CPEB4: variants seen among roughly 807,000 people sequenced by gnomAD.
CPEB4 encodes cytoplasmic polyadenylation element-binding protein 4.
CPEB4 carries 12 observed loss-of-function variants against 72.5 expected under a neutral mutation model. The ratio of observed to expected loss-of-function variants is 0.17; its 90% CI spans 0.11 to 0.27. The LOEUF is 0.27. CPEB4 is among the 10% of genes least tolerant of loss of function. CPEB4 has a pLI of 1.00. For synonymous variants in CPEB4, 302 were observed against 326.3 expected, an observed-to-expected ratio of 0.93 and a Z score of 0.80; for missense variants, 614 against 908.5, an observed-to-expected ratio of 0.68 and a Z score of 4.17.
At position 173,957,922 on chromosome 5, in the gene CPEB4, G is replaced by A. The variant is rs909513564; in HGVS notation, c.*1785G>A. ...GCTGTCTAATATTCAAACATAGAAA[G>A]GGAGCTGCTTTTAAAGAATTCCCTG... On this transcript the variant is annotated 3_prime_UTR_variant, in exon 10 of 10. Transcript: ENST00000265085. The A allele has an allele frequency of 6.5e-6, 1 of 152,774 alleles. No individual in the cohort carries two copies. The highest frequency in any genetic ancestry group is 6.5e-5 in the Admixed American group (1 of 15,274). The allele number at this position is 152,774 out of a possible 1,614,324, so 9.5% of individuals were successfully genotyped here.
At chr5:173,927,681 G>T (rs1223110309) in intron 2 of CPEB4, among the ~76,000 whole-genome samples, 3 of 152,128 alleles carry the variant, frequency 2.0e-5, no homozygotes. Context: ...GGAGGCTGAG[G>T]CAGAAGAATC....
chr5:173,940,326 C>T (rs1757793851), intron 3 of CPEB4, among the ~76,000 whole-genome samples: 1 of 152,116 alleles, frequency 6.6e-6, no homozygotes, highest in African/African-American at 2.4e-5. Flanking sequence ...TTTCTTTGAA[C>T]ATAATTAAAG....
intron 1 of CPEB4, 21 bp from the exon 2 acceptor site, chr5:173,910,502 T>G: frequency 6.3e-7 from 1 of 1,575,960 alleles, no homozygotes; most frequent in Non-Finnish European, 8.7e-7. Context: ...AAAAGTGGTT[T>G]GTGGCTGTTT....
At chr5:173,933,043 A>G (rs1438543297) in intron 3 of CPEB4, among the ~76,000 whole-genome samples, 1 of 152,192 alleles carries the variant, frequency 6.6e-6, no homozygotes, top group Non-Finnish European at 1.5e-5. Context: ...TTATGCGCAT[A>G]GTGAAGCAAG....
intron 9 of CPEB4, among the ~76,000 whole-genome samples, chr5:173,954,013 T>G (rs1280298129): frequency 6.6e-6 from 1 of 152,198 alleles, no homozygotes; most frequent in Non-Finnish European, 1.5e-5. Flanking sequence ...GCTGGCGATT[T>G]TTTTTTCATA....
chr5:173,911,217 A>G (rs1756645154), intron 2 of CPEB4, among the ~76,000 whole-genome samples: 1 of 152,086 alleles, frequency 6.6e-6, no homozygotes, highest in Non-Finnish European at 1.5e-5. Context: ...CGGGTGCTTT[A>G]AAAATAAAAT....
At chr5:173,914,833 T>A (rs974566629) in intron 2 of CPEB4, among the ~76,000 whole-genome samples, 3 of 152,162 alleles carry the variant, frequency 2.0e-5, no homozygotes. Context: ...AAAAAAAAAT[T>A]AAAAGATTTG....
chr5:173,941,474 A>T (rs567951214), intron 3 of CPEB4, among the ~76,000 whole-genome samples: 83 of 152,370 alleles, frequency 5.4e-4, no homozygotes, highest in South Asian at 3.7e-3. Flanking sequence ...ACTTTGGAAG[A>T]TACTCACATA....
intron 5 of CPEB4, among the ~76,000 whole-genome samples, chr5:173,948,886 C>G (rs1758125004): frequency 6.6e-6 from 1 of 152,082 alleles, no homozygotes; most frequent in African/African-American, 2.4e-5. Flanking sequence ...ACCCCCATGA[C>G]CTAATCACCT....
chr5:173,891,488 A>C (rs1288424886), intron 1 of CPEB4: 1 of 152,158 alleles, frequency 6.6e-6, no homozygotes, highest in Non-Finnish European at 1.5e-5. Flanking sequence ...TGTTTTCTTC[A>C]TCCCCATTTA....
At chr5:173,934,296 A>G in intron 3 of CPEB4, among the ~76,000 whole-genome samples, 1 of 152,232 alleles carries the variant, frequency 6.6e-6, no homozygotes, top group East Asian at 1.9e-4. Context: ...AAAAAATAAA[A>G]GTAACTTTTT....
chr5:173,954,185 A>C (rs191554508), intron 9 of CPEB4, among the ~76,000 whole-genome samples: 4 of 152,338 alleles, frequency 2.6e-5, no homozygotes, highest in African/African-American at 7.2e-5. Context: ...TTCTCAATTC[A>C]AGATGTAAAA....
chr5:173,934,718 C>T (rs1757561319), intron 3 of CPEB4, among the ~76,000 whole-genome samples: 3 of 152,228 alleles, frequency 2.0e-5, no homozygotes, highest in Non-Finnish European at 4.4e-5. Flanking sequence ...ACTACTCGAC[C>T]GACCTATTCT....
intron 1 of CPEB4, among the ~76,000 whole-genome samples, chr5:173,895,090 C>T (rs1368332226): frequency 6.6e-6 from 1 of 152,068 alleles, no homozygotes; most frequent in Non-Finnish European, 1.5e-5. Context: ...TTTCTCAGCC[C>T]TGTGACATTT....
At chr5:173,941,417 G>T (rs1757836232) in intron 3 of CPEB4, among the ~76,000 whole-genome samples, 1 of 152,176 alleles carries the variant, frequency 6.6e-6, no homozygotes, top group South Asian at 2.1e-4. Flanking sequence ...GAAATCCAGG[G>T]CTATCTAAGT....
In CPEB4 at chr5:173,949,512, G is replaced by A. The variant is rs763111402; in HGVS notation, c.1461G>A (p.Glu487=). Residue 487 remains glutamate, a synonymous_variant, in exon 6 of 10, where the codon GAG becomes GAA. Coordinates refer to ENST00000265085, the MANE Select transcript of CPEB4 (RefSeq NM_030627.4). ...GGLPPDIDED[E]ITASFRRFGP... ...TTTTCCTTTGTTGTTTATTAGATGAGATCACAGCTAGTTTTCGTCGCTTTG... is the reference window on the plus strand; with the variant it reads ...TTTTCCTTTGTTGTTTATTAGATGAAATCACAGCTAGTTTTCGTCGCTTTG... The A allele has an allele frequency of 2.5e-6, 4 of 1,608,556 alleles. No individual in the cohort carries two copies. The South Asian group carries it at 3.3e-5, about 13-fold the overall frequency.
In CPEB4 at chr5:173,956,117, A is replaced by G; in HGVS notation, c.2170A>G (p.Ile724Val). ...VKEGGDRPRH[I>V]SFRWN Reference sequence around the variant, plus strand: ...GGAAGGCGGTGACCGCCCTCGGCATATTTCATTCCGCTGGAACTAAAGGAT... The same window carrying G: ...GGAAGGCGGTGACCGCCCTCGGCATGTTTCATTCCGCTGGAACTAAAGGAT... Residue 724 changes from isoleucine to valine, a missense_variant, in exon 10 of 10, where the codon ATT becomes GTT. Physicochemically the swap from Ile to Val is conservative, Grantham distance 29 (BLOSUM62 3). Around this residue, in one of 5 missense-constraint regions of CPEB4, gnomAD observed 101 missense variants for 243.1 expected, o/e 0.42. Transcript: ENST00000265085. 1 of 1,614,006 alleles carries G rather than the reference A, an allele frequency of 6.2e-7. No homozygotes were observed. The highest frequency in any genetic ancestry group is 8.5e-7 in the Non-Finnish European group (1 of 1,179,956).
At chr5:173,933,751 T>C (rs944188320) in intron 3 of CPEB4, among the ~76,000 whole-genome samples, 1 of 152,202 alleles carries the variant, frequency 6.6e-6, no homozygotes, top group East Asian at 1.9e-4. Context: ...TATTACTGTG[T>C]CATCTTAGGC....
intron 1 of CPEB4, among the ~76,000 whole-genome samples, chr5:173,892,610 A>G (rs1469002269): frequency 2.6e-5 from 4 of 152,230 alleles, no homozygotes; most frequent in Non-Finnish European, 5.9e-5. Context: ...ATATGCTGAC[A>G]CAGTGAATTT....
Sources: gnomAD v4.1 joint callset for allele counts (sites outside exome capture counted in the v4.1 genomes callset) on GRCh38, gnomAD v4.1.1 for gene constraint, gnomAD v4.1.1 regional missense constraint, MANE v1.5 for transcripts, NCBI Gene and HGNC (gene_info 2026-07-23, HGNC 2026-07-21) for gene names.